Variants in ZFPM2 observed in about 807,000 individuals in gnomAD.
ZFPM2 encodes zinc finger protein ZFPM2.
Under a neutral mutation model 98.6 loss-of-function variants are expected in ZFPM2, and 20 were observed. The observed-to-expected ratio is 0.20, with a 90% confidence interval of 0.14 to 0.29. The LOEUF (loss-of-function observed/expected upper bound fraction) is 0.29, where lower values mean the gene tolerates loss of function less well. ZFPM2 is among the 10% of genes least tolerant of loss of function. The probability of loss-of-function intolerance (pLI) is 1.00; values close to 1 mark genes in which losing one functional copy is unlikely to be tolerated. For synonymous variants in ZFPM2, 518 were observed against 502.7 expected, an observed-to-expected ratio of 1.03 and a Z score of -0.41; for missense variants, 1,310 against 1,388.6, an observed-to-expected ratio of 0.94 and a Z score of 0.90.
At chr8:105,640,127 A>T (rs779908302) in intron 5 of ZFPM2, among the ~76,000 whole-genome samples, 1 of 152,016 alleles carries the variant, frequency 6.6e-6, no homozygotes, top group Admixed American at 6.6e-5. Context: ...AGATGAATAA[A>T]TTTAGGTTTC....
chr8:105,794,638 A>C lies in ZFPM2; in HGVS notation c.740-4086A>C, dbSNP rs529082853. Among the ~76,000 whole-genome samples, 387 of 152,332 alleles carry C rather than the reference A, an allele frequency of 2.5e-3. 2 individuals are homozygous for C. The highest frequency in any genetic ancestry group is 8.4e-3 in the African/African-American group (349 of 41,586). On this transcript the variant is annotated intron_variant, in intron 6 of 7. Transcript: ENST00000407775. ...GTCAGACAGGGACATTTAAGTCTGC[A>C]GAGGTTACTGCTGTCTTTTTGTTTG...
At chr8:105,385,144 C>A (rs143409388) in intron 1 of ZFPM2, among the ~76,000 whole-genome samples, 392 of 152,288 alleles carry the variant, frequency 2.6e-3, no homozygotes, top group African/African-American at 9.1e-3. Context: ...AATAATAAAA[C>A]AACACCTCTG....
intron 3 of ZFPM2, among the ~76,000 whole-genome samples, chr8:105,500,929 T>G (rs893525820): frequency 6.6e-6 from 1 of 152,162 alleles, no homozygotes; most frequent in Non-Finnish European, 1.5e-5. Flanking sequence ...AAGAAAGATT[T>G]AGTCAAAATT....
intron 5 of ZFPM2, among the ~76,000 whole-genome samples, chr8:105,745,769 T>C (rs779408621): frequency 6.6e-6 from 1 of 152,124 alleles, no homozygotes; most frequent in Non-Finnish European, 1.5e-5. Flanking sequence ...ACAGAGTTTC[T>C]TTCGTTTTGA....
chr8:105,419,021 G>T, intron 1 of ZFPM2, 123 bp from the exon 2 acceptor site: 1 of 793,670 alleles, frequency 1.3e-6, no homozygotes. Context: ...AGTCCCCTTG[G>T]TGGTACTACT....
chr8:105,398,884 T>TAG (rs913356164), intron 1 of ZFPM2, among the ~76,000 whole-genome samples: 1 of 152,056 alleles, frequency 6.6e-6, no homozygotes. Context: ...TGTGCTGAGA[T>TAG]AGAGAGAGAG....
chr8:105,482,074 A>G (rs1419754512), intron 3 of ZFPM2, among the ~76,000 whole-genome samples: 1 of 152,192 alleles, frequency 6.6e-6, no homozygotes, highest in East Asian at 1.9e-4. Context: ...TGATTTACCA[A>G]TTATGGCAAA....
chr8:105,340,859 A>C (rs1352784117), intron 1 of ZFPM2, among the ~76,000 whole-genome samples: 1 of 151,986 alleles, frequency 6.6e-6, no homozygotes, highest in Admixed American at 6.6e-5. Flanking sequence ...ATACGAAGAA[A>C]ATAAAATAGG....
At chr8:105,705,707 G>A (rs563258748) in intron 5 of ZFPM2, among the ~76,000 whole-genome samples, 2 of 152,200 alleles carry the variant, frequency 1.3e-5, no homozygotes, top group South Asian at 2.1e-4. Flanking sequence ...TGCAGTGGAC[G>A]ACTCCCTGTT....
intron 5 of ZFPM2, chr8:105,737,144 C>T (rs1812093186): frequency 6.6e-6 from 1 of 152,026 alleles, no homozygotes; most frequent in Non-Finnish European, 1.5e-5. Context: ...AGTTTGTGTG[C>T]ATGATCATCT....
chr8:105,760,420 A>G (rs1812708880), intron 5 of ZFPM2, among the ~76,000 whole-genome samples: 1 of 152,126 alleles, frequency 6.6e-6, no homozygotes, highest in Non-Finnish European at 1.5e-5. Context: ...ATTTTCAGTC[A>G]TTATGGACAT....
Position 105,600,852 on chromosome 8 carries a change from T to C in ZFPM2, c.421-33394T>C, listed in dbSNP as rs570973941. ...ATTAGTGACTTGATTCTTAAGACTT[T>C]AGCATGACTATTGCAGTGTTTTCCT... is the stretch of plus-strand genomic sequence containing the variant. On this transcript the variant is annotated intron_variant, in intron 4 of 7. Transcript: ENST00000407775. Among the ~76,000 whole-genome samples the C allele has an allele frequency of 2.0e-5, 3 of 152,250 alleles. No homozygotes were observed. The South Asian group carries it at 6.2e-4, about 32-fold the overall frequency.
intron 3 of ZFPM2, among the ~76,000 whole-genome samples, chr8:105,561,153 G>A (rs1815126247): frequency 6.6e-6 from 1 of 152,114 alleles, no homozygotes; most frequent in Non-Finnish European, 1.5e-5. Flanking sequence ...AAGGTGAAAG[G>A]AAGAAATTGG....
At chr8:105,528,550 G>A (rs1484284431) in intron 3 of ZFPM2, among the ~76,000 whole-genome samples, 1 of 152,108 alleles carries the variant, frequency 6.6e-6, no homozygotes, top group East Asian at 1.9e-4. Flanking sequence ...ATAGTTGAAA[G>A]TTTTAATTTT....
chr8:105,795,528 C>CAA (rs1353404034), intron 6 of ZFPM2, among the ~76,000 whole-genome samples: 1 of 149,826 alleles, frequency 6.7e-6, no homozygotes, highest in South Asian at 2.1e-4. Context: ...AATACGAAAT[C>CAA]AAAGTTTGAT....
chr8:105,624,236 TTTCTC>T (rs1816609119), intron 4 of ZFPM2, among the ~76,000 whole-genome samples: 1 of 152,190 alleles, frequency 6.6e-6, no homozygotes, highest in African/African-American at 2.4e-5. Flanking sequence ...GCAATTTACT[TTTCTC>T]TTCCCAGAGA....
intron 5 of ZFPM2, among the ~76,000 whole-genome samples, chr8:105,733,490 T>A (rs569907438): frequency 6.6e-6 from 1 of 152,036 alleles, no homozygotes; most frequent in Admixed American, 6.6e-5. Flanking sequence ...ACCTGGAATT[T>A]GTGTTTCAAA....
chr8:105,412,449 T>C (rs1272809823), intron 1 of ZFPM2, among the ~76,000 whole-genome samples: 1 of 151,584 alleles, frequency 6.6e-6, no homozygotes, highest in Non-Finnish European at 1.5e-5. Context: ...CAATTATATA[T>C]AAGAAATAAC....
intron 5 of ZFPM2, among the ~76,000 whole-genome samples, chr8:105,694,037 A>G (rs1810956800): frequency 7.8e-6 from 1 of 127,944 alleles, no homozygotes; most frequent in Admixed American, 9.3e-5. Context: ...CCCAGGCTGG[A>G]GTGCAGTGGT....
Sources: allele counts gnomAD v4.1 joint callset (sites outside exome capture counted in the v4.1 genomes callset), GRCh38; gene constraint gnomAD v4.1.1; transcripts MANE v1.5; gene names NCBI Gene and HGNC (gene_info 2026-07-23, HGNC 2026-07-21).